Variants in SLC14A2 observed in about 807,000 individuals in gnomAD.
The protein encoded by SLC14A2 is solute carrier family 14 member 2.
In SLC14A2, 91 loss-of-function variants were observed where a neutral mutation model predicts 104.6. The ratio of observed to expected loss-of-function variants is 0.87; its 90% CI spans 0.73 to 1.04. SLC14A2 has a LOEUF of 1.04. Ranked by LOEUF, SLC14A2 falls within the 50% of genes least tolerant of loss-of-function variation. The pLI, the probability that SLC14A2 is intolerant of heterozygous loss-of-function variation, is 0.00. For missense variants in SLC14A2, 1,189 were observed against 1,156.0 expected (o/e 1.03, Z -0.41); for synonymous variants, 476 against 466.4 (o/e 1.02, Z -0.27).
At chr18:45,172,425 A>T in the SLC14A2 span, among the ~76,000 whole-genome samples, 1 of 152,278 alleles carries the variant, frequency 6.6e-6, no homozygotes, top group Non-Finnish European at 1.5e-5. Context: ...CTGAATGTTC[A>T]TGGATATTGG....
At chr18:45,346,870 G>A (rs1462808554) in intron 1 of SLC14A2, among the ~76,000 whole-genome samples, 3 of 150,748 alleles carry the variant, frequency 2.0e-5, no homozygotes, top group Non-Finnish European at 3.0e-5. Flanking sequence ...GCTGAGGCAG[G>A]AGAGTCACTT....
rs1258677870 is a variant in SLC14A2 at position 45,624,613 on chromosome 18, C to G, written c.-34-18C>G. Reference sequence around the variant, plus strand: ...CCCCGTCCTGACTCACTAGCTCTTTCCCTTTCCTTCCGTCTAGTCCATCGA... The same window carrying G: ...CCCCGTCCTGACTCACTAGCTCTTTGCCTTTCCTTCCGTCTAGTCCATCGA... On this transcript the variant is annotated intron_variant, in intron 1 of 19. Transcript: ENST00000255226. 1.9e-6 allele frequency: 3 copies of G among 1,565,306 alleles called. No individual in the cohort carries two copies. The highest frequency in any genetic ancestry group is 2.6e-6 in the Non-Finnish European group (3 of 1,152,074).
At chr18:45,460,466 A>G (rs2052376) in intron 1 of SLC14A2, among the ~76,000 whole-genome samples, 31,747 of 152,092 alleles carry the variant, frequency 0.21, 3,743 homozygotes, top group Non-Finnish European at 0.27. Context: ...TGTTCCTGAA[A>G]GCCCTTCATG....
rs1341170885 is a variant in SLC14A2 at position 45,683,142 on chromosome 18, AC to A, written c.*624del. 3.2e-5 allele frequency: 5 copies of A among 154,358 alleles called. No individual in the cohort carries two copies. Among genetic ancestry groups the A allele is most frequent in the Non-Finnish European group, 5.7e-5 (4 of 69,676 alleles). 9.6% of individuals were successfully genotyped at this position (154,358 alleles called of 1,614,324 possible). ...ACCAAGAAAGGGATAGAGGTCAGTG[AC>A]ATGGTCATCACACAACTCGGTCATT... On this transcript the variant is annotated 3_prime_UTR_variant, in exon 20 of 20. Transcript: ENST00000255226.
intron 1 of SLC14A2, among the ~76,000 whole-genome samples, chr18:45,270,534 G>C (rs1935645097): frequency 6.6e-6 from 1 of 152,060 alleles, no homozygotes; most frequent in Admixed American, 6.6e-5. Flanking sequence ...GAGGCTAAAT[G>C]ACTCATTCTA....
At chr18:45,250,406 C>T (rs574231235) in intron 1 of SLC14A2, among the ~76,000 whole-genome samples, 1 of 152,180 alleles carries the variant, frequency 6.6e-6, no homozygotes, top group Admixed American at 6.5e-5. Flanking sequence ...CATACATAGC[C>T]TAATTCTTCC....
Position 45,428,599 on chromosome 18 carries a change from C to A in SLC14A2, c.-124-54634C>A, listed in dbSNP as rs141887518. On this transcript the variant is annotated intron_variant, in intron 1 of 20. Coordinates refer to the SLC14A2 transcript ENST00000586448. ...ATGGGCACCCCCAGGGCACATACCC[C>A]ACTAGTTGGTCCTAAAACACAGGCT... Among the ~76,000 whole-genome samples the A allele has an allele frequency of 1.9e-4, 29 of 152,234 alleles. No homozygotes were observed. The East Asian group carries it at 5.0e-3, about 26-fold the overall frequency.
At position 45,474,237 on chromosome 18, in the gene SLC14A2, G is replaced by A. The variant is rs184246479; in HGVS notation, c.-124-8996G>A. 8.1e-4 allele frequency among the ~76,000 whole-genome samples: 123 copies of A among 152,208 alleles called. 1 individual carries two copies. Among genetic ancestry groups the A allele is most frequent in the East Asian group, 9.6e-4 (5 of 5,182 alleles). ...TCCCGGGGTTGAAGCCCATTTGATC[G>A]TGGCGGATAAGCTTTTTGATGTGCT... On this transcript the variant is annotated intron_variant, in intron 1 of 20. Coordinates refer to the SLC14A2 transcript ENST00000586448.
chr18:45,401,404 T>C (rs1467702676), intron 1 of SLC14A2, among the ~76,000 whole-genome samples: 3 of 152,142 alleles, frequency 2.0e-5, no homozygotes, highest in Non-Finnish European at 4.4e-5. Flanking sequence ...ATCTGAAAGA[T>C]AACATAGAAA....
intron 6 of SLC14A2, among the ~76,000 whole-genome samples, chr18:45,639,509 A>AGCCCAT (rs1290912139): frequency 5.9e-5 from 9 of 152,246 alleles, no homozygotes; most frequent in Admixed American, 5.9e-4. Context: ...ATCCATGCCC[A>AGCCCAT]GCCCATGTTG....
intron 2 of SLC14A2, among the ~76,000 whole-genome samples, chr18:45,569,843 G>A (rs912192523): frequency 7.9e-5 from 12 of 152,144 alleles, no homozygotes; most frequent in Admixed American, 5.2e-4. Flanking sequence ...AACCAGCTGT[G>A]TGACCTTGGG....
intron 1 of SLC14A2, among the ~76,000 whole-genome samples, chr18:45,270,343 CA>C (rs2084639059): frequency 6.6e-6 from 1 of 152,108 alleles, no homozygotes; most frequent in Admixed American, 6.6e-5. Flanking sequence ...TGGGAAAACT[CA>C]ACCCAAGACA....
At chr18:45,286,794 G>GTT (rs2084819369) in intron 1 of SLC14A2, among the ~76,000 whole-genome samples, 1 of 152,076 alleles carries the variant, frequency 6.6e-6, no homozygotes, top group Non-Finnish European at 1.5e-5. Flanking sequence ...GCTCATAGAT[G>GTT]TTATGGAAAT....
chr18:45,414,780 A>G lies in SLC14A2; in HGVS notation c.-124-68453A>G, dbSNP rs1470363466. Among the ~76,000 whole-genome samples the G allele has an allele frequency of 1.6e-4, 20 of 125,300 alleles. 1 individual carries two copies. Among genetic ancestry groups the G allele is most frequent in the Non-Finnish European group, 2.6e-4 (16 of 62,124 alleles). The allele number at this position is 125,300 out of a possible 152,430, so 82.2% of individuals were successfully genotyped here. ...AAAATATATATATATATATATATAT[A>G]TATATATATATATATAGAAAAGTAC... is the stretch of plus-strand genomic sequence containing the variant. On this transcript the variant is annotated intron_variant, in intron 1 of 20. Transcript: ENST00000586448.
At chr18:45,514,078 AC>A (rs2043404010) in intron 2 of SLC14A2, among the ~76,000 whole-genome samples, 1 of 152,242 alleles carries the variant, frequency 6.6e-6, no homozygotes, top group East Asian at 1.9e-4. Flanking sequence ...ATGGAAAAAA[AC>A]ATTTTTTCCA....
In SLC14A2 at chr18:45,667,877, A is replaced by G. The variant is rs1320452448; in HGVS notation, c.1762A>G (p.Thr588Ala). ...FQFFDWVLRGTSQVMFVNNPL... is the reference protein window; with the variant it reads ...FQFFDWVLRGASQVMFVNNPL... ...GTTCTTTGACTGGGTCCTCCGAGGC[A>G]CATCTCAAGTGATGTTTGTGAACAA... Residue 588 changes from threonine to alanine, a missense_variant, in exon 14 of 20, where the codon ACA (threonine) becomes GCA (alanine). Physicochemically the swap from Thr to Ala is moderately conservative, Grantham distance 58. Transcript: ENST00000255226. 1.9e-6 allele frequency: 3 copies of G among 1,614,138 alleles called. No homozygotes were observed. The East Asian group carries it at 6.7e-5, about 36-fold the overall frequency.
chr18:45,195,949 A>C, the SLC14A2 span, among the ~76,000 whole-genome samples: 1 of 152,232 alleles, frequency 6.6e-6, no homozygotes, highest in South Asian at 2.1e-4. Flanking sequence ...CTCCCAAGCC[A>C]GAGTAGGCTC....
At chr18:45,209,178 TA>T (rs2083940549), upstream of SLC14A2, among the ~76,000 whole-genome samples, 1 of 46,548 alleles carries the variant, frequency 2.1e-5, no homozygotes, top group African/African-American at 9.9e-5. Context: ...CTATTAAAAA[TA>T]CAAAAAAAAA....
At chr18:45,337,816 T>C (rs1028041823) in intron 1 of SLC14A2, among the ~76,000 whole-genome samples, 2 of 152,202 alleles carry the variant, frequency 1.3e-5, no homozygotes, top group East Asian at 1.9e-4. Context: ...ATATATTTCT[T>C]TGGTGTATTT....
Sources: allele counts gnomAD v4.1 joint callset (sites outside exome capture counted in the v4.1 genomes callset), GRCh38; gene constraint gnomAD v4.1.1; transcripts MANE v1.5; gene names NCBI Gene and HGNC (gene_info 2026-07-23, HGNC 2026-07-21).